Variants in TCERG1L observed in about 807,000 individuals in gnomAD.
TCERG1L encodes the protein transcription elongation regulator 1-like protein.
Under a neutral mutation model 56.3 loss-of-function variants are expected in TCERG1L, and 37 were observed. That is an observed-to-expected ratio of 0.66 (90% CI 0.51 to 0.87). The LOEUF is 0.87. Among genes scored for constraint, TCERG1L ranks in the 40% least tolerant of loss-of-function variants. TCERG1L has a pLI of 0.00. For missense variants in TCERG1L, 799 were observed against 774.2 expected, an observed-to-expected ratio of 1.03 and a Z score of -0.38; for synonymous variants, 324 against 326.3, an observed-to-expected ratio of 0.99 and a Z score of 0.08.
At chr10:131,164,256 A>T (rs1170079721) in intron 5 of TCERG1L, 1 of 152,140 alleles carries the variant, frequency 6.6e-6, no homozygotes, top group African/African-American at 2.4e-5. Flanking sequence ...ATCAGTATTC[A>T]TTAAGAATAA....
chr10:131,138,495 A>T (rs1845698924), intron 7 of TCERG1L, among the ~76,000 whole-genome samples: 1 of 152,204 alleles, frequency 6.6e-6, no homozygotes, highest in Admixed American at 6.5e-5. Context: ...CCCCATTACA[A>T]TGCCTAGCAT....
chr10:131,180,974 G>A (rs906325082), intron 4 of TCERG1L, among the ~76,000 whole-genome samples: 2 of 152,228 alleles, frequency 1.3e-5, no homozygotes, highest in African/African-American at 4.8e-5. Flanking sequence ...CCTGGTGTCT[G>A]GGTTTGATGC....
In TCERG1L at chr10:131,092,730, A is replaced by C; in HGVS notation, c.*432T>G. The C allele has an allele frequency of 6.4e-6, 1 of 156,708 alleles. No individual in the cohort carries two copies. The highest frequency in any genetic ancestry group is 1.4e-5 in the Non-Finnish European group (1 of 70,864). 9.7% of individuals were successfully genotyped at this position (156,708 alleles called of 1,614,324 possible). Reference sequence around the variant, plus strand: ...CGAGACTGAGACCTAGGGACAGAGTAAGGAATTCCTCAACACTGCGGGAAT... The same window carrying C: ...CGAGACTGAGACCTAGGGACAGAGTCAGGAATTCCTCAACACTGCGGGAAT... On this transcript the variant is annotated 3_prime_UTR_variant, in exon 12 of 12. Coordinates refer to ENST00000368642, the MANE Select transcript of TCERG1L (RefSeq NM_174937.4).
chr10:131,218,813 C>T (rs904624393), intron 4 of TCERG1L, among the ~76,000 whole-genome samples: 1 of 152,194 alleles, frequency 6.6e-6, no homozygotes, highest in Admixed American at 6.5e-5. Context: ...AGCTTGGCGA[C>T]CTCCATGTCC....
At chr10:131,286,216 T>G (rs1846540094) in intron 3 of TCERG1L, among the ~76,000 whole-genome samples, 1 of 152,204 alleles carries the variant, frequency 6.6e-6, no homozygotes, top group Admixed American at 6.5e-5. Flanking sequence ...TCTGGGAAGT[T>G]CTTATAAGAA....
rs111633674 is a variant in TCERG1L, at chr10:131,103,433, G to A, written c.1485+832C>T. Among the ~76,000 whole-genome samples, 6,316 of 152,282 alleles carry A rather than the reference G, an allele frequency of 0.041. 208 individuals are homozygous for A. Among genetic ancestry groups the A allele is most frequent in the African/African-American group, 0.095 (3,962 of 41,552 alleles). ...GAGCCAGGTGCGGTGGCTCACGCCT[G>A]TAATCCCAACACTTTGGGAGCCCAA... is the stretch of plus-strand genomic sequence containing the variant. On this transcript the variant is annotated intron_variant, in intron 10 of 11. Transcript: ENST00000368642. The surrounding 1 kb of genome is among the most constrained non-coding windows in gnomAD (Gnocchi z 4.3).
chr10:131,108,733 G>A (rs757948323), intron 9 of TCERG1L, among the ~76,000 whole-genome samples: 4 of 152,208 alleles, frequency 2.6e-5, no homozygotes, highest in African/African-American at 9.7e-5. Flanking sequence ...AGATCCCACT[G>A]GGCTGAGATG....
intron 4 of TCERG1L, among the ~76,000 whole-genome samples, chr10:131,176,633 C>T (rs200618331): frequency 0.021 from 267 of 12,926 alleles, no homozygotes; most frequent in Middle Eastern, 0.17. Flanking sequence ...ATGACATGTG[C>T]ACATACACCA....
At chr10:131,288,369 A>C (rs916208747) in intron 3 of TCERG1L, among the ~76,000 whole-genome samples, 7 of 152,182 alleles carry the variant, frequency 4.6e-5, no homozygotes, top group Non-Finnish European at 1.0e-4. Context: ...CTTGACTAGG[A>C]GTAACTAACC....
chr10:131,104,289 C>T lies in TCERG1L; in HGVS notation c.1461G>A (p.Leu487=). Residue 487 remains leucine (L), a synonymous_variant, in exon 10 of 12, where the codon CTG becomes CTA. Transcript: ENST00000368642. The part of the protein sequence containing the change: ...HKIVFDPRYL[L]LNSEERKQIF... ...CCTGCTTTCGTTCCTCAGAGTTGAGCAGGAGATAGCGTGGGTCAAACACGA... is the reference window on the plus strand; with the variant it reads ...CCTGCTTTCGTTCCTCAGAGTTGAGTAGGAGATAGCGTGGGTCAAACACGA... 1 of 1,550,758 alleles carries T rather than the reference C, an allele frequency of 6.4e-7. No individual in the cohort carries two copies. Among genetic ancestry groups the T allele is most frequent in the Non-Finnish European group, 8.7e-7 (1 of 1,146,166 alleles).
chr10:131,285,510 AAGAAAGAAAGAAAG>A (rs1379673475), intron 3 of TCERG1L, among the ~76,000 whole-genome samples: 1 of 29,298 alleles, frequency 3.4e-5, no homozygotes, highest in African/African-American at 6.8e-5. Context: ...GAAAGAAAGA[AAGAAAGAAAGAAAG>A]AGAGAAAGAA....
intron 8 of TCERG1L, among the ~76,000 whole-genome samples, chr10:131,121,321 G>C (rs1187010180): frequency 1.3e-5 from 2 of 152,192 alleles, no homozygotes; most frequent in East Asian, 3.9e-4. Context: ...AGGATGACTT[G>C]CTGTACAACC....
intron 4 of TCERG1L, among the ~76,000 whole-genome samples, chr10:131,243,299 T>C (rs993407575): frequency 2.0e-5 from 3 of 152,066 alleles, no homozygotes; most frequent in East Asian, 3.9e-4. Context: ...ACTGCAGGCA[T>C]GGCCAGGCGT....
intron 3 of TCERG1L, among the ~76,000 whole-genome samples, chr10:131,287,987 T>G (rs1217485855): frequency 6.6e-6 from 1 of 152,164 alleles, no homozygotes; most frequent in Non-Finnish European, 1.5e-5. Flanking sequence ...TCTGGACAAA[T>G]GTTTTCCACA....
At chr10:131,187,647 GCC>G (rs1278648039) in intron 4 of TCERG1L, among the ~76,000 whole-genome samples, 1 of 152,174 alleles carries the variant, frequency 6.6e-6, no homozygotes, top group African/African-American at 2.4e-5. Context: ...CGCTTCTGGG[GCC>G]TCCTTGGTTC....
Position 131,291,401 on chromosome 10 carries a change from C to CTTTTTTTTTTTTT in TCERG1L, c.670+16797_670+16809dup, listed in dbSNP as rs71009957. ...TGTGTATATTCCATAAACAGCATTTCTTTTTTTTTTTTTTTTTTTTTTTTT... is the reference window on the plus strand; with the variant it reads ...TGTGTATATTCCATAAACAGCATTTCTTTTTTTTTTTTTTTTTTTTTTTTTTTTTTTTTTTTTT... On this transcript the variant is annotated intron_variant, in intron 3 of 11. Transcript: ENST00000368642. Among the ~76,000 whole-genome samples the CTTTTTTTTTTTTT allele has an allele frequency of 2.0e-3, 72 of 36,594 alleles. 26 individuals carry two copies. The highest frequency in any genetic ancestry group is 6.6e-3 in the East Asian group (6 of 910). The allele number at this position is 36,594 out of a possible 152,430, so 24.0% of individuals were successfully genotyped here.
At chr10:131,293,275 T>C (rs541510130) in intron 3 of TCERG1L, among the ~76,000 whole-genome samples, 1 of 152,346 alleles carries the variant, frequency 6.6e-6, no homozygotes, top group East Asian at 1.9e-4. Context: ...GCATTGCTGA[T>C]GGTTTCATGT....
At chr10:131,131,948 A>G (rs1265944261) in intron 8 of TCERG1L, among the ~76,000 whole-genome samples, 8 of 152,270 alleles carry the variant, frequency 5.3e-5, no homozygotes, top group Admixed American at 5.2e-4. Context: ...AGAAATACAT[A>G]AAAGCAGCTA....
intron 6 of TCERG1L, among the ~76,000 whole-genome samples, chr10:131,159,440 C>T (rs11017774): frequency 7.9e-5 from 12 of 151,912 alleles, no homozygotes; most frequent in Middle Eastern, 3.2e-3. Flanking sequence ...AGAAAGTTCA[C>T]GGCGGCCACA....
Sources: allele counts gnomAD v4.1 joint callset (sites outside exome capture counted in the v4.1 genomes callset), GRCh38; gene constraint gnomAD v4.1.1; non-coding constraint Gnocchi (gnomAD v3.1); transcripts MANE v1.5; gene names NCBI Gene and HGNC (gene_info 2026-07-23, HGNC 2026-07-21).